Variants in PCDHGA4 observed in about 807,000 individuals in gnomAD.
The protein encoded by PCDHGA4 is protocadherin gamma-A4.
A neutral mutation model predicts 54.6 loss-of-function variants in PCDHGA4; 38 were observed. That is an observed-to-expected ratio of 0.70 (90% CI 0.54 to 0.91). The LOEUF (loss-of-function observed/expected upper bound fraction) is 0.91, where lower values mean the gene tolerates loss of function less well. Among genes scored for constraint, PCDHGA4 ranks in the 40% least tolerant of loss-of-function variants. The pLI, the probability that PCDHGA4 is intolerant of heterozygous loss-of-function variation, is 0.00. For synonymous variants in PCDHGA4, 511 were observed against 512.9 expected, an observed-to-expected ratio of 1.00 and a Z score of 0.05; for missense variants, 1,298 against 1,220.9, an observed-to-expected ratio of 1.06 and a Z score of -0.94.
rs1312195504 is a variant in PCDHGA4 at position 141,429,392 on chromosome 5, A to ATTTTT, written c.2515-65415_2515-65414insTTTTT. On this transcript the variant is annotated intron_variant, in intron 1 of 3. Transcript: ENST00000571252. Reference sequence around the variant, plus strand: ...GAGAAAATGTGTTTTTTTTTTAAAAAAAATTGAGATTAAGGTCTCATTATG... The same window carrying ATTTTT: ...GAGAAAATGTGTTTTTTTTTTAAAAATTTTTAAATTGAGATTAAGGTCTCATTATG... Among the ~76,000 whole-genome samples, 131 of 152,104 alleles carry ATTTTT rather than the reference A, an allele frequency of 8.6e-4. 1 individual carries two copies. Among genetic ancestry groups the ATTTTT allele is most frequent in the Non-Finnish European group, 1.5e-3 (100 of 67,974 alleles).
At position 141,487,780 on chromosome 5, in the gene PCDHGA4, C is replaced by T. The variant is rs1423149; in HGVS notation, c.2515-7027C>T. On this transcript the variant is annotated intron_variant, in intron 1 of 3. Transcript: ENST00000571252. The surrounding 1 kb of genome is among the most constrained non-coding windows in gnomAD (Gnocchi z 5.0). ...TAGACGCTGTGCTTTGTAACTGTTT[C>T]GTGAATTAACCAGAGTTGTCACAGT... 0.06 allele frequency: 91,434 copies of T among 1,526,176 alleles called. 5,728 individuals carry two copies. Among genetic ancestry groups the T allele is most frequent in the African/African-American group, 0.33 (23,789 of 72,466 alleles). The allele number at this position is 1,526,176 out of a possible 1,614,324, so 94.5% of individuals were successfully genotyped here. A position where few individuals can be genotyped will look rare whatever the true frequency, so the allele number is the denominator to read the frequency against.
At chr5:141,404,472 T>C in intron 1 of PCDHGA4, 1 of 1,613,692 alleles carries the variant, frequency 6.2e-7, no homozygotes, top group Non-Finnish European at 8.5e-7. Context: ...TATGTCTCTA[T>C]TAACTCAGAC....
chr5:141,485,446 C>A lies in PCDHGA4; in HGVS notation c.2515-9361C>A. On this transcript the variant is annotated intron_variant, in intron 1 of 3. Transcript: ENST00000571252. This position sits in a 1 kb window ranked among gnomAD's most constrained non-coding sequence, Gnocchi z 5.7. ...CCCTGCTCATCAAGAACCCAATCGA[C>A]CGAGAGGCACTGTGTGGGCTCAGTG... is the stretch of plus-strand genomic sequence containing the variant. 6.2e-7 allele frequency: 1 copy of A among 1,614,156 alleles called. No individual in the cohort carries two copies. The highest frequency in any genetic ancestry group is 8.5e-7 in the Non-Finnish European group (1 of 1,180,018).
intron 1 of PCDHGA4, among the ~76,000 whole-genome samples, chr5:141,492,080 G>A (rs576661909): frequency 6.6e-6 from 1 of 152,352 alleles, no homozygotes; most frequent in African/African-American, 2.4e-5. Context: ...GCCGGCTCCG[G>A]CACGCTTCGC....
At chr5:141,361,253 A>G (rs772309054) in intron 1 of PCDHGA4, 1 of 1,613,952 alleles carries the variant, frequency 6.2e-7, no homozygotes, top group South Asian at 1.1e-5. Context: ...AAAACGAGAG[A>G]CAGAGACTCT....
chr5:141,430,480 A>G (rs2097288752), intron 1 of PCDHGA4: 1 of 256,116 alleles, frequency 3.9e-6, no homozygotes, highest in Admixed American at 5.4e-5. Context: ...TTAAGATATA[A>G]AAACGAAATA....
intron 1 of PCDHGA4, among the ~76,000 whole-genome samples, chr5:141,450,223 G>A (rs1458841129): frequency 2.0e-5 from 3 of 151,818 alleles, no homozygotes; most frequent in Non-Finnish European, 4.4e-5. Context: ...TCACTATGTT[G>A]GCCAGGCTAG....
chr5:141,361,416 G>A (rs1464562844), intron 1 of PCDHGA4: 2 of 1,613,876 alleles, frequency 1.2e-6, no homozygotes, highest in Admixed American at 1.7e-5. Context: ...CCACCGACGG[G>A]GGCAAGCCGC....
At chr5:141,499,880 G>A (rs1177287013) in intron 2 of PCDHGA4, among the ~76,000 whole-genome samples, 1 of 151,886 alleles carries the variant, frequency 6.6e-6, no homozygotes, top group African/African-American at 2.4e-5. Flanking sequence ...TACAAACAGG[G>A]TTTCGCCATG....
At position 141,360,218 on chromosome 5, in the gene PCDHGA4, C is replaced by G. The variant is rs1331722103; in HGVS notation, c.2514+2597C>G. ...TTCCTGTTGTCTTTGTTCCCCGGGG[C>G]TCTCCCAGTCCAGATCCGCTATTCA... On this transcript the variant is annotated intron_variant, in intron 1 of 3. Transcript: ENST00000571252. The G allele has an allele frequency of 1.9e-6, 3 of 1,613,260 alleles. No homozygotes were observed. In the East Asian group the frequency reaches 6.7e-5, roughly 36 times the overall value.
intron 1 of PCDHGA4, among the ~76,000 whole-genome samples, chr5:141,461,165 TG>T (rs2099010296): frequency 6.6e-6 from 1 of 152,146 alleles, no homozygotes; most frequent in South Asian, 2.1e-4. Flanking sequence ...ATAGTGGGAT[TG>T]CTGGATTGAA....
chr5:141,413,601 A>T (rs2095657842), intron 1 of PCDHGA4: 1 of 1,613,814 alleles, frequency 6.2e-7, no homozygotes, highest in African/African-American at 1.3e-5. Flanking sequence ...CAGAAAATCT[A>T]GACGTAAAAA....
intron 1 of PCDHGA4, chr5:141,414,071 A>C: frequency 6.2e-7 from 1 of 1,606,780 alleles, no homozygotes; most frequent in Non-Finnish European, 8.5e-7. Flanking sequence ...TTCCAACTAA[A>C]CAAATATACT....
Position 141,357,547 on chromosome 5 carries a change from G to T in PCDHGA4, c.2440G>T (p.Glu814Ter), listed in dbSNP as rs763777724. 38 of 1,614,096 alleles carry T rather than the reference G, an allele frequency of 2.4e-5. No homozygotes were observed. Among genetic ancestry groups the T allele is most frequent in the South Asian group, 2.2e-4 (20 of 91,088 alleles). The change falls in exon 1 of 4, where the codon GAG becomes TAG. Residue 814 changes from glutamate (E) to a stop codon, truncating the protein, a stop_gained. Coordinates refer to ENST00000571252, the MANE Select transcript of PCDHGA4 (RefSeq NM_018917.4). LOFTEE classifies it high-confidence loss of function. Reference protein sequence around the residue: ...PSYADTLISRESCEKSEPLLI... With the variant: ...PSYADTLISR Reference sequence around the variant, plus strand: ...CTATGCAGACACGCTCATCAGCCGGGAGAGTTGTGAGAAAAGCGAGCCTCT... The same window carrying T: ...CTATGCAGACACGCTCATCAGCCGGTAGAGTTGTGAGAAAAGCGAGCCTCT...
At chr5:141,417,795 T>C in intron 1 of PCDHGA4, 1 of 1,483,780 alleles carries the variant, frequency 6.7e-7, no homozygotes, top group Non-Finnish European at 9.0e-7. Context: ...AATGCTCTTT[T>C]AGCGCGGTAG....
intron 1 of PCDHGA4, chr5:141,413,323 G>A (rs1221252167): frequency 2.5e-6 from 4 of 1,613,840 alleles, no homozygotes; most frequent in Non-Finnish European, 3.4e-6. Flanking sequence ...CTCTTTCGTG[G>A]GCAACATCTC....
At chr5:141,425,860 A>G (rs1445251215) in intron 1 of PCDHGA4, among the ~76,000 whole-genome samples, 1 of 152,248 alleles carries the variant, frequency 6.6e-6, no homozygotes, top group Non-Finnish European at 1.5e-5. Context: ...TGACTGTTCT[A>G]TAGATTCCCA....
Position 141,360,906 on chromosome 5 carries a change from G to C in PCDHGA4, c.2514+3285G>C, listed in dbSNP as rs781720353. On this transcript the variant is annotated intron_variant, in intron 1 of 3. Transcript: ENST00000571252. ...TCACCCTGAGGGAGGACGTGCCGCC[G>C]GGCTTCTTTGTGCTTCAAGTGACAG... 3.1e-6 allele frequency: 5 copies of C among 1,613,894 alleles called. No homozygotes were observed. In the African/African-American group the frequency reaches 6.7e-5, roughly 22 times the overall value.
chr5:141,422,478 G>C, intron 1 of PCDHGA4: 1 of 1,613,914 alleles, frequency 6.2e-7, no homozygotes, highest in Non-Finnish European at 8.5e-7. Flanking sequence ...AGTTGGTCCA[G>C]AGCTACAATA....
Sources: allele counts gnomAD v4.1 joint callset (sites outside exome capture counted in the v4.1 genomes callset), GRCh38; gene constraint gnomAD v4.1.1; non-coding constraint Gnocchi (gnomAD v3.1); transcripts MANE v1.5; gene names NCBI Gene and HGNC (gene_info 2026-07-23, HGNC 2026-07-21).